The following NANP variants were observed in gnomAD, a reference collection of about 807,000 sequenced individuals.
NANP encodes N-acylneuraminate-9-phosphatase.
In NANP, 15 loss-of-function variants were observed where a neutral mutation model predicts 16.9. The observed-to-expected ratio is 0.89, with a 90% confidence interval of 0.59 to 1.37. The LOEUF (loss-of-function observed/expected upper bound fraction) is 1.37, where lower values mean the gene tolerates loss of function less well. NANP is among the 40% of genes most tolerant of loss of function. NANP has a pLI of 0.00. For missense variants in NANP, 290 were observed against 303.5 expected (o/e 0.96, Z 0.33); for synonymous variants, 135 against 112.6 (o/e 1.20, Z -1.26).
At chr20:25,620,072 CA>C (rs2065358695) in intron 1 of NANP, among the ~76,000 whole-genome samples, 1 of 152,188 alleles carries the variant, frequency 6.6e-6, no homozygotes, top group South Asian at 2.1e-4. Context: ...AGCATTTTAA[CA>C]ATATTAACAT....
intron 1 of NANP, among the ~76,000 whole-genome samples, chr20:25,620,240 G>T (rs565273815): frequency 6.6e-6 from 1 of 152,300 alleles, no homozygotes; most frequent in East Asian, 1.9e-4. Flanking sequence ...TCTCTAACTT[G>T]GAGGCGTGAT....
chr20:25,618,388 A>C (rs1371415330), intron 1 of NANP, among the ~76,000 whole-genome samples: 3 of 152,178 alleles, frequency 2.0e-5, no homozygotes, highest in African/African-American at 7.2e-5. Flanking sequence ...AAGAGTTTAA[A>C]ATTTTGTGGA....
At chr20:25,616,867 T>C (rs542471157) in intron 1 of NANP, among the ~76,000 whole-genome samples, 3 of 152,282 alleles carry the variant, frequency 2.0e-5, no homozygotes, top group South Asian at 2.1e-4. Flanking sequence ...TCTTTCATTC[T>C]GGTCATGAAG....
chr20:25,624,007 C>A lies in NANP; in HGVS notation c.-59G>T. 1 of 1,548,210 alleles carries A rather than the reference C, an allele frequency of 6.5e-7. No homozygotes were observed. Among genetic ancestry groups the A allele is most frequent in the East Asian group, 2.3e-5 (1 of 44,182 alleles). ...CACCGCCGCCTGCGCATGCGCAAGG[C>A]GGACTGCCCAGAGAGACGTGGGAGG... On this transcript the variant is annotated 5_prime_UTR_variant, in exon 1 of 2. Coordinates refer to ENST00000304788, the MANE Select transcript of NANP (RefSeq NM_152667.3).
chr20:25,613,948 T>G lies in NANP; in HGVS notation c.*1977A>C, dbSNP rs2065331808. On this transcript the variant is annotated 3_prime_UTR_variant, in exon 2 of 2. Coordinates refer to ENST00000304788, the MANE Select transcript of NANP (RefSeq NM_152667.3). ...CACGCCAACCAATCTATCAGAGCAA[T>G]CATGCATGTGACTACTTCTGCCAAA... 5 of 397,830 alleles carry G rather than the reference T, an allele frequency of 1.3e-5. No individual in the cohort carries two copies. The highest frequency in any genetic ancestry group is 2.2e-5 in the Non-Finnish European group (5 of 225,788). 24.6% of individuals were successfully genotyped at this position (397,830 alleles called of 1,614,324 possible). A position where few individuals can be genotyped will look rare whatever the true frequency, so the allele number is the denominator to read the frequency against.
At position 25,616,175 on chromosome 20, in the gene NANP, G is replaced by A; in HGVS notation, c.497C>T (p.Ala166Val). The A allele has an allele frequency of 6.2e-7, 1 of 1,614,138 alleles. No individual in the cohort carries two copies. The highest frequency in any genetic ancestry group is 1.1e-5 in the South Asian group (1 of 91,074). Reference sequence around the variant, plus strand: ...GCAGCAGTAATAAAATATGGACGGTGCTGGTTTCTCCTCTCTCTGCTCTCC... The same window carrying A: ...GCAGCAGTAATAAAATATGGACGGTACTGGTTTCTCCTCTCTCTGCTCTCC... ...VGGEQREEKP[A>V]PSIFYYCCNL... The change falls in exon 2 of 2, where the codon GCA becomes GTA. Residue 166 changes from alanine (A) to valine (V), a missense_variant. Transcript: ENST00000304788.
At position 25,616,071 on chromosome 20, in the gene NANP, C is replaced by T; in HGVS notation, c.601G>A (p.Ala201Thr). ...ATCCAGACTGTTGCTTTCAATCCTG[C>T]ATTGAGGCCTCCTTGGATGTCGGTT... Reference protein sequence around the residue: ...LETDIQGGLNAGLKATVWINK... With the variant: ...LETDIQGGLNTGLKATVWINK... The change falls in exon 2 of 2, where the codon GCA (alanine) becomes ACA (threonine). Residue 201 changes from alanine to threonine, a missense_variant. Ala to Thr is a moderately conservative substitution (Grantham distance 58). Coordinates refer to ENST00000304788, the MANE Select transcript of NANP (RefSeq NM_152667.3). The T allele has an allele frequency of 6.2e-7, 1 of 1,614,212 alleles. No homozygotes were observed. Among genetic ancestry groups the T allele is most frequent in the Non-Finnish European group, 8.5e-7 (1 of 1,180,036 alleles).
rs543551990 is a variant in NANP at position 25,623,975 on chromosome 20, G to A, written c.-27C>T. 10 of 1,607,318 alleles carry A rather than the reference G, an allele frequency of 6.2e-6. No individual in the cohort carries two copies. In the East Asian group the frequency reaches 2.2e-4, roughly 36 times the overall value. On this transcript the variant is annotated 5_prime_UTR_variant, in exon 1 of 2. Coordinates refer to ENST00000304788, the MANE Select transcript of NANP (RefSeq NM_152667.3). The stretch of plus-strand genomic sequence containing the variant: ...GCGCCGGCCGCTGGCGCGAACCGTA[G>A]CCTTGCCACCGCCGCCTGCGCATGC...
Position 25,623,919 on chromosome 20 carries a change from G to C in NANP, c.30C>G (p.Phe10Leu), listed in dbSNP as rs1453142144. Residue 10 changes from phenylalanine (F) to leucine (L), a missense_variant, in exon 1 of 2, where the codon TTC (phenylalanine) becomes TTG (leucine). Coordinates refer to ENST00000304788, the MANE Select transcript of NANP (RefSeq NM_152667.3). Reference protein sequence around the residue: MGLSRVRAVFFDLDNTLIDT... With the variant: MGLSRVRAVLFDLDNTLIDT... ...CGATGAGAGTGTTGTCCAAGTCAAA[G>C]AAAACCGCCCGCACGCGGCTCAGCC... The C allele has an allele frequency of 6.2e-7, 1 of 1,613,418 alleles. No homozygotes were observed. The highest frequency in any genetic ancestry group is 8.5e-7 in the Non-Finnish European group (1 of 1,179,746).
intron 1 of NANP, among the ~76,000 whole-genome samples, chr20:25,619,025 T>A (rs2065354634): frequency 6.6e-6 from 1 of 152,032 alleles, no homozygotes; most frequent in Non-Finnish European, 1.5e-5. Context: ...ATAAACAGTA[T>A]GCCACTCACA....
intron 1 of NANP, among the ~76,000 whole-genome samples, chr20:25,621,741 G>A (rs1344461522): frequency 6.6e-6 from 1 of 152,204 alleles, no homozygotes; most frequent in African/African-American, 2.4e-5. Flanking sequence ...TTTTAGTAGA[G>A]ACGGGGTTTC....
intron 1 of NANP, among the ~76,000 whole-genome samples, chr20:25,621,713 C>T (rs6050720): frequency 0.16 from 24,869 of 152,216 alleles, 4,541 homozygotes; most frequent in African/African-American, 0.45. Context: ...CGCCAACACA[C>T]CCGGCTAATT....
rs762319763 is a variant in NANP at position 25,616,245 on chromosome 20, C to G, written c.427G>C (p.Glu143Gln). 6.2e-7 allele frequency: 1 copy of G among 1,614,190 alleles called. No homozygotes were observed. The highest frequency in any genetic ancestry group is 1.7e-5 in the Admixed American group (1 of 60,014). Residue 143 changes from glutamate (E) to glutamine (Q), a missense_variant, in exon 2 of 2, where the codon GAG becomes CAG. Transcript: ENST00000304788. ...GDRQTQREKI[E>Q]ACACQSYFDA... ...AAATAGGACTGACAGGCACAAGCCT[C>G]AATCTTCTCCCTCTGGGTCTGTCTG...
rs2065340848 is a variant in NANP at position 25,615,842 on chromosome 20, T to G, written c.*83A>C. On this transcript the variant is annotated 3_prime_UTR_variant, in exon 2 of 2. Transcript: ENST00000304788. Reference sequence around the variant, plus strand: ...TAAAATTATTCTTAGAGCTGGATTATCATAAGTGGAGTGCCCTAACTTTTC... The same window carrying G: ...TAAAATTATTCTTAGAGCTGGATTAGCATAAGTGGAGTGCCCTAACTTTTC... The G allele has an allele frequency of 7.7e-7, 1 of 1,301,444 alleles. No homozygotes were observed. Among genetic ancestry groups the G allele is most frequent in the African/African-American group, 1.5e-5 (1 of 67,458 alleles). 80.6% of individuals were successfully genotyped at this position (1,301,444 alleles called of 1,614,324 possible).
intron 1 of NANP, 97 bp downstream of exon 1, chr20:25,623,762 C>G: frequency 8.3e-7 from 1 of 1,208,256 alleles, no homozygotes; most frequent in Non-Finnish European, 1.2e-6. Flanking sequence ...CGGCCCGCGG[C>G]GCCGGGGTGG....
rs980000294 is a variant in NANP at position 25,613,133 on chromosome 20, T to C, written c.*2792A>G. The C allele has an allele frequency of 1.3e-5, 2 of 151,732 alleles. No individual in the cohort carries two copies. Among genetic ancestry groups the C allele is most frequent in the African/African-American group, 4.8e-5 (2 of 41,358 alleles). The allele number at this position is 151,732 out of a possible 1,614,324, so 9.4% of individuals were successfully genotyped here. A position where few individuals can be genotyped will look rare whatever the true frequency, so the allele number is the denominator to read the frequency against. On this transcript the variant is annotated 3_prime_UTR_variant, in exon 2 of 2. Coordinates refer to ENST00000304788, the MANE Select transcript of NANP (RefSeq NM_152667.3). ...GTTATACTATAAAATGTTATATTTA[T>C]ATTTATTTATATACATGTGTTATAT...
At position 25,623,847 on chromosome 20, in the gene NANP, T is replaced by G; in HGVS notation, c.90+12A>C. The G allele has an allele frequency of 1.9e-6, 3 of 1,610,440 alleles. No homozygotes were observed. The highest frequency in any genetic ancestry group is 1.7e-6 in the Non-Finnish European group (2 of 1,178,302). ...ACCCCGCCCAGAGGAGCGCCATGGG[T>G]GGGGACGTTACCTCCAACATGCCTC... is the stretch of plus-strand genomic sequence containing the variant. On this transcript the variant is annotated intron_variant, in intron 1 of 1. Transcript: ENST00000304788.
chr20:25,619,750 G>T (rs566362160), intron 1 of NANP, among the ~76,000 whole-genome samples: 1 of 152,306 alleles, frequency 6.6e-6, no homozygotes, highest in East Asian at 1.9e-4. Context: ...AGCAGTGCAA[G>T]GACACATGCC....
Position 25,616,298 on chromosome 20 carries a change from A to C in NANP, c.374T>G (p.Val125Gly). Residue 125 changes from valine (V) to glycine (G), a missense_variant, in exon 2 of 2, where the codon GTC becomes GGC. By Grantham distance (109) the Val-to-Gly change is moderately radical (BLOSUM62 -3). Coordinates refer to ENST00000304788, the MANE Select transcript of NANP (RefSeq NM_152667.3). ...KAMLTELRKE[V>G]RLLLLTNGDR... ...CCCATTCGTTAATAGAAGTAGGCGG[A>C]CCTCCTTTCGAAGTTCAGTAAGCAT... 6.2e-7 allele frequency: 1 copy of C among 1,613,812 alleles called. No individual in the cohort carries two copies. Among genetic ancestry groups the C allele is most frequent in the Non-Finnish European group, 8.5e-7 (1 of 1,179,960 alleles).
Sources: gnomAD v4.1 joint callset for allele counts (sites outside exome capture counted in the v4.1 genomes callset) on GRCh38, gnomAD v4.1.1 for gene constraint, MANE v1.5 for transcripts, NCBI Gene and HGNC (gene_info 2026-07-23, HGNC 2026-07-21) for gene names.